Variants in FARSB observed in about 807,000 individuals in gnomAD.
FARSB encodes phenylalanine--tRNA ligase beta subunit.
Under a neutral mutation model 69.6 loss-of-function variants are expected in FARSB, and 40 were observed. That is an observed-to-expected ratio of 0.57 (90% CI 0.45 to 0.75). The LOEUF (loss-of-function observed/expected upper bound fraction) is 0.75. Ranked by LOEUF, FARSB falls within the 30% of genes least tolerant of loss-of-function variation. FARSB has a pLI of 0.00. For synonymous variants in FARSB, 235 were observed against 247.2 expected, an observed-to-expected ratio of 0.95 and a Z score of 0.46; for missense variants, 632 against 722.9, an observed-to-expected ratio of 0.87 and a Z score of 1.44.
At position 222,590,093 on chromosome 2, in the gene FARSB, T is replaced by C. The variant is rs1690224281; in HGVS notation, c.1618+9835A>G. ...ATGTTTATTGCGGCACTATTCACAA[T>C]AGCAAAGACTTGGAACCAACCCAAA... On this transcript the variant is annotated intron_variant, in intron 16 of 16. Transcript: ENST00000281828. Among the ~76,000 whole-genome samples, 4 of 152,102 alleles carry C rather than the reference T, an allele frequency of 2.6e-5. 1 individual carries two copies. In the South Asian group the frequency reaches 6.2e-4, roughly 24 times the overall value.
At chr2:222,582,145 A>G (rs935901196) in intron 16 of FARSB, among the ~76,000 whole-genome samples, 1 of 152,262 alleles carries the variant, frequency 6.6e-6, no homozygotes, top group Non-Finnish European at 1.5e-5. Context: ...CACAATCTGT[A>G]ATAGCAAAAG....
intron 2 of FARSB, among the ~76,000 whole-genome samples, chr2:222,646,287 A>C (rs1349470917): frequency 6.6e-6 from 1 of 152,162 alleles, no homozygotes; most frequent in African/African-American, 2.4e-5. Context: ...TGCCTGCCAC[A>C]ATTTTATCCC....
At chr2:222,652,615 A>G (rs1487893474) in intron 1 of FARSB, among the ~76,000 whole-genome samples, 1 of 152,238 alleles carries the variant, frequency 6.6e-6, no homozygotes, top group East Asian at 1.9e-4. Flanking sequence ...GCCTATGGCC[A>G]AAAATCAGCA....
chr2:222,633,911 G>T (rs2106229929), intron 6 of FARSB, among the ~76,000 whole-genome samples: 1 of 152,276 alleles, frequency 6.6e-6, no homozygotes, highest in South Asian at 2.1e-4. Context: ...TAAATACGAA[G>T]AAGTCACTTG....
intron 15 of FARSB, among the ~76,000 whole-genome samples, chr2:222,601,103 T>TG: frequency 6.6e-6 from 1 of 152,196 alleles, no homozygotes; most frequent in East Asian, 1.9e-4. Context: ...GAAAGGTAGC[T>TG]GCCAGGGGTT....
intron 6 of FARSB, among the ~76,000 whole-genome samples, 183 bp downstream of exon 6, chr2:222,634,208 A>T (rs149774430): frequency 6.6e-6 from 1 of 152,354 alleles, no homozygotes; most frequent in Admixed American, 6.5e-5. Flanking sequence ...AAATTTAATA[A>T]TAAATAAAAT....
At position 222,613,857 on chromosome 2, in the gene FARSB, C is replaced by T; in HGVS notation, c.1416G>A (p.Leu472=). 6.2e-7 allele frequency: 1 copy of T among 1,613,024 alleles called. No individual in the cohort carries two copies. Among genetic ancestry groups the T allele is most frequent in the Non-Finnish European group, 8.5e-7 (1 of 1,179,044 alleles). The part of the protein sequence containing the change: ...IAANRKMPLP[L]KLFEISDIVI... ...CAATGTCAGAGATTTCAAACAGTTTCAGTGGAAGGGGCATCTTACGATTTG... is the reference window on the plus strand; with the variant it reads ...CAATGTCAGAGATTTCAAACAGTTTTAGTGGAAGGGGCATCTTACGATTTG... Residue 472 remains leucine (L), a synonymous_variant, in exon 15 of 17, where the codon CTG becomes CTA. Coordinates refer to ENST00000281828, the MANE Select transcript of FARSB (RefSeq NM_005687.5).
chr2:222,582,732 T>C (rs551122289), intron 16 of FARSB, among the ~76,000 whole-genome samples: 41 of 152,132 alleles, frequency 2.7e-4, no homozygotes, highest in Non-Finnish European at 5.4e-4. Flanking sequence ...AAGACCAGCC[T>C]GGCCAACATG....
At chr2:222,655,900 G>A (rs1692162040) in intron 1 of FARSB, 116 bp downstream of exon 1, 1 of 819,806 alleles carries the variant, frequency 1.2e-6, no homozygotes, top group Non-Finnish European at 2.0e-6. Flanking sequence ...CGTAAACCCC[G>A]GCCTCCCGGA....
Position 222,630,148 on chromosome 2 carries a change from G to A in FARSB, c.813C>T (p.Val271=). The A allele has an allele frequency of 6.4e-7, 1 of 1,555,354 alleles. No individual in the cohort carries two copies. The highest frequency in any genetic ancestry group is 2.4e-5 in the East Asian group (1 of 42,384). The change falls in exon 9 of 17, where the codon GTC becomes GTT. Residue 271 remains valine, a synonymous_variant. Coordinates refer to ENST00000281828, the MANE Select transcript of FARSB (RefSeq NM_005687.5). ...TKAKIVLDII[V]TMFSEYCENQ... ...TCTCACAATATTCACTGAACATGGT[G>A]ACAATAATATCAAGAACTATTTTTG...
At chr2:222,636,176 G>C (rs142186461) in intron 5 of FARSB, among the ~76,000 whole-genome samples, 2,359 of 152,020 alleles carry the variant, frequency 0.016, 58 homozygotes, top group African/African-American at 0.05. Flanking sequence ...GGAGGCCGAG[G>C]CAGGTGGATC....
At chr2:222,599,522 C>A (rs184148680) in intron 16 of FARSB, among the ~76,000 whole-genome samples, 36 of 152,142 alleles carry the variant, frequency 2.4e-4, no homozygotes, top group African/African-American at 8.2e-4. Context: ...TTTTTGTTTT[C>A]TTTTTTCTTT....
At chr2:222,629,885 C>A (rs907051783) in intron 9 of FARSB, among the ~76,000 whole-genome samples, 2 of 151,966 alleles carry the variant, frequency 1.3e-5, no homozygotes, top group African/African-American at 4.8e-5. Context: ...GGACTACAGG[C>A]GCAGGCCACC....
At chr2:222,606,184 G>T (rs1395487026) in intron 15 of FARSB, among the ~76,000 whole-genome samples, 1 of 152,034 alleles carries the variant, frequency 6.6e-6, no homozygotes, top group Non-Finnish European at 1.5e-5. Context: ...AAGGGTTATT[G>T]CTCTCTCCGG....
At chr2:222,615,938 TAAAC>T (rs1474758067) in intron 14 of FARSB, among the ~76,000 whole-genome samples, 1 of 152,180 alleles carries the variant, frequency 6.6e-6, no homozygotes, top group Non-Finnish European at 1.5e-5. Context: ...TGAAATATAA[TAAAC>T]AAACTACTGT....
At chr2:222,627,173 G>A (rs1379043001) in intron 10 of FARSB, among the ~76,000 whole-genome samples, 1 of 152,140 alleles carries the variant, frequency 6.6e-6, no homozygotes, top group Non-Finnish European at 1.5e-5. Context: ...TCCCCTCTCT[G>A]TATCCATGGC....
rs913912442 is a variant in FARSB, at chr2:222,625,530, G to A, written c.901-755C>T. ...AAGCACTAGCATCACCTGAGTGCTC[G>A]TGAGAAAGGCTGACTGCAGGTCTTG... On this transcript the variant is annotated intron_variant, in intron 10 of 16. Coordinates refer to ENST00000281828, the MANE Select transcript of FARSB (RefSeq NM_005687.5). Among the ~76,000 whole-genome samples, 5 of 152,314 alleles carry A rather than the reference G, an allele frequency of 3.3e-5. No homozygotes were observed. In the South Asian group the frequency reaches 6.2e-4, roughly 19 times the overall value.
intron 15 of FARSB, among the ~76,000 whole-genome samples, chr2:222,610,779 T>C (rs940451396): frequency 6.6e-6 from 1 of 152,214 alleles, no homozygotes; most frequent in Non-Finnish European, 1.5e-5. Context: ...TTAATCCTTA[T>C]AACATATCAA....
chr2:222,621,033 A>G (rs1181716601), intron 13 of FARSB, among the ~76,000 whole-genome samples: 1 of 152,240 alleles, frequency 6.6e-6, no homozygotes, highest in African/African-American at 2.4e-5. Context: ...TTTTCCCCAC[A>G]GCATAAAGAA....
Sources: gnomAD v4.1 joint callset for allele counts (sites outside exome capture counted in the v4.1 genomes callset) on GRCh38, gnomAD v4.1.1 for gene constraint, MANE v1.5 for transcripts, NCBI Gene and HGNC (gene_info 2026-07-23, HGNC 2026-07-21) for gene names.